The following TEX14 variants were observed in gnomAD, a reference collection of about 807,000 sequenced individuals.
The protein encoded by TEX14 is testis expressed 14, intercellular bridge forming factor.
Under a neutral mutation model 178.6 loss-of-function variants are expected in TEX14, and 168 were observed. The observed-to-expected ratio is 0.94, with a 90% CI of 0.83 to 1.07. The LOEUF (loss-of-function observed/expected upper bound fraction) is 1.07, where lower values mean the gene tolerates loss of function less well. Ranked by LOEUF, TEX14 falls within the 50% of genes least tolerant of loss-of-function variation. TEX14 has a pLI of 0.00. For synonymous variants in TEX14, 626 were observed against 634.1 expected (o/e 0.99, Z 0.19); for missense variants, 1,730 against 1,753.6 (o/e 0.99, Z 0.24).
intron 8 of TEX14, 93 bp downstream of exon 8, chr17:58,615,139 G>A (rs1220423361): frequency 4.4e-6 from 3 of 682,706 alleles, no homozygotes; most frequent in African/African-American, 1.8e-5. Context: ...AGAGCAGCTG[G>A]AGCTCCCTAT....
rs76881505 is a variant in TEX14, at chr17:58,667,458, G to C, written c.-1-15456C>G. Among the ~76,000 whole-genome samples, 560 of 152,206 alleles carry C rather than the reference G, an allele frequency of 3.7e-3. 1 individual carries two copies. Among genetic ancestry groups the C allele is most frequent in the Non-Finnish European group, 5.7e-3 (388 of 68,006 alleles). On this transcript the variant is annotated intron_variant, in intron 1 of 31. Coordinates refer to ENST00000349033, the MANE Select transcript of TEX14 (RefSeq NM_031272.5). Reference sequence around the variant, plus strand: ...CAGGCAACCCAATAAAAACCCTAAAGCAAACCAAGAAATACTAACAGCTAA... The same window carrying C: ...CAGGCAACCCAATAAAAACCCTAAACCAAACCAAGAAATACTAACAGCTAA...
intron 2 of TEX14, among the ~76,000 whole-genome samples, chr17:58,636,911 T>TA (rs1168446442): frequency 6.7e-6 from 1 of 148,488 alleles, no homozygotes; most frequent in Non-Finnish European, 1.5e-5. Flanking sequence ...AGACTCTGTC[T>TA]CAAAAAAAAA....
intron 14 of TEX14, among the ~76,000 whole-genome samples, chr17:58,597,620 G>A (rs1019095705): frequency 6.6e-6 from 1 of 152,060 alleles, no homozygotes; most frequent in African/African-American, 2.4e-5. Context: ...ATATCACTGG[G>A]CTTGAGCTTC....
Position 58,599,791 on chromosome 17 carries a change from C to G in TEX14, c.1679-125G>C, listed in dbSNP as rs537611717. On this transcript the variant is annotated intron_variant, in intron 13 of 31. Transcript: ENST00000349033. ...AAAAAAGTTTTTTATTTTCCCACCC[C>G]CTTCCCAGTTGTGGAAGACTACTGG... The G allele has an allele frequency of 2.5e-3, 1,881 of 743,930 alleles. 6 individuals are homozygous for G. Among genetic ancestry groups the G allele is most frequent in the Non-Finnish European group, 3.5e-3 (1,643 of 469,572 alleles). The allele number at this position is 743,930 out of a possible 1,614,324, so 46.1% of individuals were successfully genotyped here.
intron 22 of TEX14, 132 bp downstream of exon 22, chr17:58,574,055 G>T: frequency 2.8e-6 from 2 of 707,318 alleles, no homozygotes; most frequent in African/African-American, 1.8e-5. Flanking sequence ...CAACTTTTTG[G>T]TGAAAGAAGC....
At chr17:58,621,266 T>C (rs1038539279) in intron 5 of TEX14, among the ~76,000 whole-genome samples, 1 of 152,270 alleles carries the variant, frequency 6.6e-6, no homozygotes, top group Non-Finnish European at 1.5e-5. Flanking sequence ...TTGTGGTCTT[T>C]TGCAACCTTA....
intron 1 of TEX14, among the ~76,000 whole-genome samples, chr17:58,654,370 GC>G (rs1393952441): frequency 6.6e-6 from 1 of 151,658 alleles, no homozygotes; most frequent in African/African-American, 2.4e-5. Flanking sequence ...TCTAGAGAAA[GC>G]TTTCCAGACC....
intron 1 of TEX14, among the ~76,000 whole-genome samples, chr17:58,653,716 G>A (rs1478624882): frequency 2.0e-5 from 3 of 152,232 alleles, no homozygotes; most frequent in South Asian, 2.1e-4. Flanking sequence ...GACTTGCCAC[G>A]TGGGATTACA....
chr17:58,598,472 T>C (rs1048946659), intron 14 of TEX14, among the ~76,000 whole-genome samples: 3 of 152,206 alleles, frequency 2.0e-5, no homozygotes, highest in Non-Finnish European at 4.4e-5. Context: ...AAATTGCCAA[T>C]ACTTGACCAT....
intron 2 of TEX14, among the ~76,000 whole-genome samples, chr17:58,644,009 T>C (rs2046637431): frequency 6.6e-6 from 1 of 150,610 alleles, no homozygotes; most frequent in Admixed American, 6.6e-5. Context: ...GCAAATCTAT[T>C]CACACCTGTG....
At chr17:58,628,179 CTTAA>C (rs2046193687) in intron 3 of TEX14, among the ~76,000 whole-genome samples, 1 of 152,152 alleles carries the variant, frequency 6.6e-6, no homozygotes, top group South Asian at 2.1e-4. Context: ...CCTCTGGTTA[CTTAA>C]TTCTCATACT....
chr17:58,626,790 G>T (rs2046154593), intron 3 of TEX14, among the ~76,000 whole-genome samples: 1 of 152,058 alleles, frequency 6.6e-6, no homozygotes, highest in South Asian at 2.1e-4. Flanking sequence ...AGAATCGCTT[G>T]AACCCAGGAA....
At chr17:58,603,887 CTGTGTGTGTGTGTGTGTGTGTGTGTGTG>C (rs71143257) in intron 11 of TEX14, among the ~76,000 whole-genome samples, 13 of 105,292 alleles carry the variant, frequency 1.2e-4, no homozygotes, top group South Asian at 3.9e-4. Flanking sequence ...TGTGATTTTA[CTGTGTGTGTGTGTGTGTGTGTGTGTGTG>C]TGTGTGTGTG....
intron 19 of TEX14, among the ~76,000 whole-genome samples, chr17:58,584,166 C>T (rs1213393066): frequency 6.6e-6 from 1 of 152,206 alleles, no homozygotes; most frequent in Non-Finnish European, 1.5e-5. Context: ...TTTTCCTACT[C>T]CTAACTGACC....
At chr17:58,640,550 G>A (rs933628649) in intron 2 of TEX14, among the ~76,000 whole-genome samples, 3 of 151,280 alleles carry the variant, frequency 2.0e-5, no homozygotes, top group South Asian at 2.1e-4. Context: ...TCTAAGAATT[G>A]GGCATATAGC....
intron 21 of TEX14, among the ~76,000 whole-genome samples, chr17:58,576,803 A>G (rs1425043720): frequency 6.6e-6 from 1 of 152,052 alleles, no homozygotes; most frequent in Non-Finnish European, 1.5e-5. Context: ...TGCTTTTCCT[A>G]CTCAGCATAA....
At chr17:58,622,700 G>A (rs1262205052) in intron 4 of TEX14, 147 bp downstream of exon 4, 4 of 702,378 alleles carry the variant, frequency 5.7e-6, no homozygotes, top group South Asian at 4.0e-5. Context: ...CGGAAGTTTC[G>A]CAGCTGGCTA....
chr17:58,681,741 G>A (rs2047504556), intron 1 of TEX14, among the ~76,000 whole-genome samples: 1 of 151,902 alleles, frequency 6.6e-6, no homozygotes, highest in South Asian at 2.1e-4. Context: ...TACCCAGGAG[G>A]CTGATGAAGG....
At chr17:58,684,568 G>C (rs887668415) in intron 1 of TEX14, among the ~76,000 whole-genome samples, 4 of 151,928 alleles carry the variant, frequency 2.6e-5, no homozygotes, top group African/African-American at 9.7e-5. Flanking sequence ...CAGGGAGGCA[G>C]TGGTGGCAGT....
Sources: allele counts gnomAD v4.1 joint callset (sites outside exome capture counted in the v4.1 genomes callset), GRCh38; gene constraint gnomAD v4.1.1; transcripts MANE v1.5; gene names NCBI Gene and HGNC (gene_info 2026-07-23, HGNC 2026-07-21).